Variants in HCN1 observed in about 807,000 individuals in gnomAD.
HCN1 encodes the protein hyperpolarization activated cyclic nucleotide gated potassium channel 1.
In HCN1, 13 loss-of-function variants were observed where a neutral mutation model predicts 78.9. The ratio of observed to expected loss-of-function variants is 0.16; its 90% CI spans 0.11 to 0.26. The LOEUF (loss-of-function observed/expected upper bound fraction) is 0.26. Among genes scored for constraint, HCN1 ranks in the 10% least tolerant of loss-of-function variants. The probability of loss-of-function intolerance (pLI) is 1.00; values close to 1 mark genes in which losing one functional copy is unlikely to be tolerated. For synonymous variants in HCN1, 552 were observed against 455.5 expected, an observed-to-expected ratio of 1.21 and a Z score of -2.70; for missense variants, 810 against 1,154.3, an observed-to-expected ratio of 0.70 and a Z score of 4.32.
chr5:45,466,120 A>G (rs2111637753), intron 2 of HCN1, among the ~76,000 whole-genome samples: 1 of 152,230 alleles, frequency 6.6e-6, no homozygotes, highest in African/African-American at 2.4e-5. Flanking sequence ...TGTTTATTTC[A>G]TCTTGTTTTT....
At chr5:45,584,894 G>C (rs577828156) in intron 2 of HCN1, among the ~76,000 whole-genome samples, 6 of 152,316 alleles carry the variant, frequency 3.9e-5, no homozygotes, top group African/African-American at 1.4e-4. Context: ...TCTGCCAAGA[G>C]ATCAGCTGTT....
intron 2 of HCN1, among the ~76,000 whole-genome samples, chr5:45,520,305 C>A (rs1352166910): frequency 2.0e-5 from 3 of 151,958 alleles, no homozygotes; most frequent in African/African-American, 7.2e-5. Context: ...TTGTTCATTG[C>A]ATGACATGCT....
intron 2 of HCN1, among the ~76,000 whole-genome samples, chr5:45,473,569 AT>A (rs201474299): frequency 6.7e-6 from 1 of 149,206 alleles, no homozygotes; most frequent in Non-Finnish European, 1.5e-5. Flanking sequence ...TGCCTCACCT[AT>A]TTTTTTTCTT....
intron 2 of HCN1, among the ~76,000 whole-genome samples, chr5:45,502,659 T>G (rs1742213815): frequency 1.3e-5 from 2 of 152,156 alleles, no homozygotes. Context: ...AGCAGCTACC[T>G]AATAAAAATA....
chr5:45,312,237 G>C (rs1328597474), intron 5 of HCN1, among the ~76,000 whole-genome samples: 1 of 152,194 alleles, frequency 6.6e-6, no homozygotes, highest in Non-Finnish European at 1.5e-5. Flanking sequence ...CTAAAGGGTA[G>C]TGCTAAGATT....
chr5:45,647,505 C>T (rs1745572782), intron 1 of HCN1, among the ~76,000 whole-genome samples: 1 of 152,124 alleles, frequency 6.6e-6, no homozygotes, highest in Non-Finnish European at 1.5e-5. Flanking sequence ...ATAGCCCTTT[C>T]ATCTTCTATT....
chr5:45,393,314 T>A (rs908418418), intron 4 of HCN1, among the ~76,000 whole-genome samples: 1 of 152,190 alleles, frequency 6.6e-6, no homozygotes, highest in Non-Finnish European at 1.5e-5. Flanking sequence ...TTACTATAGT[T>A]ATTTGATTGG....
intron 1 of HCN1, among the ~76,000 whole-genome samples, chr5:45,664,226 C>T (rs1204130494): frequency 1.9e-5 from 2 of 103,650 alleles, no homozygotes; most frequent in Non-Finnish European, 3.7e-5. Flanking sequence ...CCAAACACCG[C>T]ATATTCTCAC....
At chr5:45,299,479 C>T (rs923585428) in intron 6 of HCN1, among the ~76,000 whole-genome samples, 2 of 151,604 alleles carry the variant, frequency 1.3e-5, no homozygotes, top group African/African-American at 4.8e-5. Flanking sequence ...GGATTTTTTT[C>T]AACATACTGG....
At chr5:45,636,248 C>A (rs1745355465) in intron 2 of HCN1, among the ~76,000 whole-genome samples, 1 of 152,010 alleles carries the variant, frequency 6.6e-6, no homozygotes, top group African/African-American at 2.4e-5. Context: ...TTAAAGTAAC[C>A]CATGCTTATT....
intron 2 of HCN1, among the ~76,000 whole-genome samples, chr5:45,630,985 TA>T (rs1745261009): frequency 6.6e-6 from 1 of 152,138 alleles, no homozygotes; most frequent in African/African-American, 2.4e-5. Flanking sequence ...AGCTATATTA[TA>T]AAAACGTAGA....
chr5:45,309,709 T>C (rs950297391), intron 5 of HCN1, among the ~76,000 whole-genome samples: 7 of 152,230 alleles, frequency 4.6e-5, no homozygotes, highest in African/African-American at 1.4e-4. Context: ...ATCCAGGGGA[T>C]GAAGCCTACT....
intron 3 of HCN1, among the ~76,000 whole-genome samples, chr5:45,427,998 A>G (rs1740386091): frequency 6.6e-6 from 1 of 152,076 alleles, no homozygotes; most frequent in Admixed American, 6.6e-5. Flanking sequence ...GGTGTATTGT[A>G]GAGTTAGATG....
chr5:45,389,069 A>C (rs1747988660), intron 4 of HCN1, among the ~76,000 whole-genome samples: 2 of 151,866 alleles, frequency 1.3e-5, no homozygotes, highest in South Asian at 4.1e-4. Flanking sequence ...TTGCTACTAG[A>C]CTCTCAAGGC....
intron 2 of HCN1, among the ~76,000 whole-genome samples, chr5:45,540,145 T>C (rs903632331): frequency 6.6e-6 from 1 of 151,892 alleles, no homozygotes; most frequent in South Asian, 2.1e-4. Context: ...TAAAGCAGTA[T>C]ACAAATTTTA....
chr5:45,673,955 C>T (rs925664609), intron 1 of HCN1, among the ~76,000 whole-genome samples: 7 of 151,388 alleles, frequency 4.6e-5, no homozygotes, highest in Admixed American at 1.3e-4. Context: ...TTGTTAATTA[C>T]GTATGTTAAG....
At chr5:45,682,442 C>G (rs1739722532) in intron 1 of HCN1, among the ~76,000 whole-genome samples, 1 of 151,446 alleles carries the variant, frequency 6.6e-6, no homozygotes, top group African/African-American at 2.4e-5. Context: ...GATTAAATGT[C>G]CACACTAAAT....
In HCN1 at chr5:45,262,140, G is replaced by C. The variant is rs747153982; in HGVS notation, c.2454C>G (p.Pro818=). 1 of 1,613,542 alleles carries C rather than the reference G, an allele frequency of 6.2e-7. No individual in the cohort carries two copies. Among genetic ancestry groups the C allele is most frequent in the East Asian group, 2.2e-5 (1 of 44,856 alleles). The change falls in exon 8 of 8, where the codon CCC becomes CCG. Residue 818 remains proline (P), a synonymous_variant. Transcript: ENST00000303230. ...GGCCCGTTCCGGGGACCGCCGTCAC[G>C]GGTTGAGGGATGGAGGCCAGGGACT... ...VGESLASIPQ[P]VTAVPGTGLQ...
chr5:45,600,584 A>G (rs1045432464), intron 2 of HCN1, among the ~76,000 whole-genome samples: 2 of 152,186 alleles, frequency 1.3e-5, no homozygotes, highest in African/African-American at 4.8e-5. Context: ...GCAAGGAGAG[A>G]TCTTAACAAC....
Sources: allele counts gnomAD v4.1 joint callset (sites outside exome capture counted in the v4.1 genomes callset), GRCh38; gene constraint gnomAD v4.1.1; transcripts MANE v1.5; gene names NCBI Gene and HGNC (gene_info 2026-07-23, HGNC 2026-07-21).